Variants in PALLD observed in about 807,000 individuals in gnomAD.
PALLD encodes palladin.
In PALLD, 61 loss-of-function variants were observed where a neutral mutation model predicts 123.5. The observed-to-expected ratio is 0.49, with a 90% CI of 0.40 to 0.61. PALLD has a LOEUF of 0.61. Ranked by LOEUF, PALLD falls within the 20% of genes least tolerant of loss-of-function variation. PALLD has a pLI of 0.00. For missense variants in PALLD, 1,273 were observed against 1,377.0 expected (o/e 0.92, Z 1.20); for synonymous variants, 465 against 496.4 (o/e 0.94, Z 0.84).
chr4:168,845,300 T>G (rs1423402563), intron 10 of PALLD, among the ~76,000 whole-genome samples: 1 of 152,206 alleles, frequency 6.6e-6, no homozygotes, highest in African/African-American at 2.4e-5. Flanking sequence ...TTAAGGAATT[T>G]TAGGACCCTT....
At chr4:168,569,262 G>T (rs1253502189) in intron 2 of PALLD, among the ~76,000 whole-genome samples, 1 of 152,098 alleles carries the variant, frequency 6.6e-6, no homozygotes, top group African/African-American at 2.4e-5. Flanking sequence ...AGCAAATATT[G>T]TTCCAGCCCG....
chr4:168,608,769 G>T (rs62335533), intron 2 of PALLD, among the ~76,000 whole-genome samples: 45,775 of 150,794 alleles, frequency 0.3, 7,223 homozygotes, highest in East Asian at 0.49. Context: ...TTTAGTATCT[G>T]TCATTTTTTT....
At chr4:168,643,885 CAGAG>C (rs1316927337) in intron 2 of PALLD, among the ~76,000 whole-genome samples, 1 of 152,074 alleles carries the variant, frequency 6.6e-6, no homozygotes, top group Non-Finnish European at 1.5e-5. Flanking sequence ...AACTGAAGCT[CAGAG>C]AGGCTAAGTA....
chr4:168,835,705 T>C (rs1024024355), intron 10 of PALLD, among the ~76,000 whole-genome samples: 6 of 146,526 alleles, frequency 4.1e-5, no homozygotes, highest in Non-Finnish European at 6.1e-5. Context: ...TTGTTTGTTT[T>C]GTTGTTTTTT....
At chr4:168,887,642 G>A (rs1341719767) in intron 10 of PALLD, among the ~76,000 whole-genome samples, 1 of 152,212 alleles carries the variant, frequency 6.6e-6, no homozygotes, top group Non-Finnish European at 1.5e-5. Context: ...AGAGCTGGCT[G>A]CCTTCAGTTT....
At chr4:168,741,519 C>CT (rs774501044) in intron 10 of PALLD, among the ~76,000 whole-genome samples, 23 of 151,870 alleles carry the variant, frequency 1.5e-4, no homozygotes, top group African/African-American at 5.3e-4. Flanking sequence ...GACCATGGCT[C>CT]TTTAAAAAAA....
intron 10 of PALLD, among the ~76,000 whole-genome samples, chr4:168,799,305 G>A (rs1377021626): frequency 6.6e-6 from 1 of 152,182 alleles, no homozygotes; most frequent in East Asian, 1.9e-4. Flanking sequence ...GAAGTATAGA[G>A]TCCTTCTCAG....
chr4:168,711,139 A>G (rs938734226), intron 9 of PALLD, among the ~76,000 whole-genome samples: 3 of 152,236 alleles, frequency 2.0e-5, no homozygotes, highest in Admixed American at 2.0e-4. Flanking sequence ...TCCAAGGTTT[A>G]CCTTCCCTAG....
intron 10 of PALLD, among the ~76,000 whole-genome samples, chr4:168,850,428 T>C (rs1482757412): frequency 6.6e-6 from 1 of 151,642 alleles, no homozygotes; most frequent in Non-Finnish European, 1.5e-5. Context: ...TTGTTCACAT[T>C]GCAAACCTGT....
At chr4:168,925,897 G>GA (rs899559565) in intron 21 of PALLD, among the ~76,000 whole-genome samples, 3 of 152,054 alleles carry the variant, frequency 2.0e-5, no homozygotes, top group African/African-American at 7.2e-5. Flanking sequence ...TTTAAAAGGA[G>GA]AGGGGGGATG....
intron 2 of PALLD, among the ~76,000 whole-genome samples, chr4:168,650,089 G>A (rs946385754): frequency 6.6e-5 from 10 of 152,198 alleles, no homozygotes; most frequent in East Asian, 1.9e-4. Context: ...CGGGAGAATT[G>A]CTTGAACCCA....
intron 10 of PALLD, among the ~76,000 whole-genome samples, chr4:168,761,662 T>TTTTTTTTTTTTTTTTTTTTTTTTG (rs1732936097): frequency 7.6e-6 from 1 of 131,316 alleles, no homozygotes; most frequent in Non-Finnish European, 1.6e-5. Context: ...TTTTTTTTTT[T>TTTTTTTTTTTTTTTTTTTTTTTTG]TTTTTTTTTT....
intron 10 of PALLD, among the ~76,000 whole-genome samples, chr4:168,855,081 G>A (rs1748378307): frequency 7.1e-6 from 1 of 141,498 alleles, no homozygotes; most frequent in African/African-American, 2.7e-5. Context: ...ATGCTGAGAA[G>A]GAATGTTCTT....
At chr4:168,903,945 A>G in intron 15 of PALLD, 39 bp downstream of exon 15, 1 of 1,571,968 alleles carries the variant, frequency 6.4e-7, no homozygotes, top group Non-Finnish European at 8.8e-7. Flanking sequence ...TTCTGTGTCT[A>G]GTGCTTACAG....
At chr4:168,658,966 T>C in intron 2 of PALLD, among the ~76,000 whole-genome samples, 1 of 152,218 alleles carries the variant, frequency 6.6e-6, no homozygotes, top group Non-Finnish European at 1.5e-5. Context: ...CCATAGTAAA[T>C]TTAGACAACG....
chr4:168,585,464 C>T (rs935206298), intron 2 of PALLD, among the ~76,000 whole-genome samples: 2 of 152,144 alleles, frequency 1.3e-5, no homozygotes, highest in Admixed American at 1.3e-4. Flanking sequence ...TTATGCCTCT[C>T]CTCCCACCTC....
intron 8 of PALLD, 74 bp from the exon 9 acceptor site, chr4:168,708,954 G>T: frequency 7.6e-7 from 1 of 1,310,560 alleles, no homozygotes; most frequent in Non-Finnish European, 1.1e-6. Flanking sequence ...TTGTGGAAAG[G>T]TGGAGGGTCT....
rs1290110172 is a variant in PALLD, at chr4:168,878,109, T to C, written c.1965-12813T>C. Reference sequence around the variant, plus strand: ...CCCGTGCCGCCCTTCGCGCAGCCCTTCGGCGCTGAGCCCGAGGCCCCGTGG... The same window carrying C: ...CCCGTGCCGCCCTTCGCGCAGCCCTCCGGCGCTGAGCCCGAGGCCCCGTGG... On this transcript the variant is annotated intron_variant, in intron 10 of 21. Coordinates refer to ENST00000505667, the MANE Select transcript of PALLD (RefSeq NM_001166108.2). The C allele has an allele frequency of 1.4e-6, 2 of 1,456,932 alleles. No homozygotes were observed. The highest frequency in any genetic ancestry group is 5.8e-5 in the East Asian group (2 of 34,318). 90.3% of individuals were successfully genotyped at this position (1,456,932 alleles called of 1,614,324 possible).
intron 2 of PALLD, among the ~76,000 whole-genome samples, chr4:168,604,530 C>T (rs1244517398): frequency 6.6e-6 from 1 of 152,120 alleles, no homozygotes; most frequent in East Asian, 1.9e-4. Flanking sequence ...AGTTACATTA[C>T]CAGACTAACA....
Sources: gnomAD v4.1 joint callset for allele counts (sites outside exome capture counted in the v4.1 genomes callset) on GRCh38, gnomAD v4.1.1 for gene constraint, MANE v1.5 for transcripts, NCBI Gene and HGNC (gene_info 2026-07-23, HGNC 2026-07-21) for gene names.